TEKT1: variants seen among roughly 807,000 people sequenced by gnomAD.
TEKT1 encodes the protein tektin-1.
In TEKT1, 32 loss-of-function variants were observed where a neutral mutation model predicts 34.8. That is an observed-to-expected ratio of 0.92 (90% CI 0.69 to 1.23). The LOEUF is 1.23. Ranked by LOEUF, TEKT1 falls within the 50% of genes most tolerant of loss-of-function variation. The pLI, the probability that TEKT1 is intolerant of heterozygous loss-of-function variation, is 0.00. For synonymous variants in TEKT1, 207 were observed against 199.8 expected (o/e 1.04, Z -0.30); for missense variants, 492 against 518.5 (o/e 0.95, Z 0.50).
In TEKT1 at chr17:6,830,282, G is replaced by C; in HGVS notation, c.95C>G (p.Ser32Cys). Reference sequence around the variant, plus strand: ...TTCTGCGACCAGGCGTTCTGATCGGGACCTTTGAGCGTCTGCTCTGTGGTA... The same window carrying C: ...TTCTGCGACCAGGCGTTCTGATCGGCACCTTTGAGCGTCTGCTCTGTGGTA... ...NQYHRADAQRSRSERLVAESQ... is the reference protein window; with the variant it reads ...NQYHRADAQRCRSERLVAESQ... Residue 32 changes from serine to cysteine, a missense_variant, in exon 2 of 8, where the codon TCC becomes TGC. Physicochemically the swap from Ser to Cys is moderately radical, Grantham distance 112. Coordinates refer to ENST00000338694, the MANE Select transcript of TEKT1 (RefSeq NM_053285.2). 6.2e-7 allele frequency: 1 copy of C among 1,613,528 alleles called. No individual in the cohort carries two copies. The highest frequency in any genetic ancestry group is 8.5e-7 in the Non-Finnish European group (1 of 1,179,938).
chr17:6,810,449 A>G (rs896717272), intron 6 of TEKT1, among the ~76,000 whole-genome samples: 1 of 152,210 alleles, frequency 6.6e-6, no homozygotes, highest in African/African-American at 2.4e-5. Context: ...GGATTTTTAA[A>G]TTTTAAATGG....
In TEKT1 at chr17:6,811,307, TGTG is replaced by T. The variant is rs908033541; in HGVS notation, c.852+1521_852+1523del. ...TTATATGTTAATCATATATGCAAAA[TGTG>T]TGTGTGTGTGTGTGTGTGTGTGTGA... On this transcript the variant is annotated intron_variant, in intron 6 of 7. Transcript: ENST00000338694. This position sits in a 1 kb window ranked among gnomAD's most constrained non-coding sequence, Gnocchi z 4.4. 7.3e-5 allele frequency among the ~76,000 whole-genome samples: 2 copies of T among 27,358 alleles called. No homozygotes were observed. Among genetic ancestry groups the T allele is most frequent in the African/African-American group, 7.1e-4 (2 of 2,816 alleles). The allele number at this position is 27,358 out of a possible 152,430, so 17.9% of individuals were successfully genotyped here.
chr17:6,823,998 A>G (rs1399032340), intron 2 of TEKT1, among the ~76,000 whole-genome samples: 1 of 151,498 alleles, frequency 6.6e-6, no homozygotes, highest in African/African-American at 2.4e-5. Context: ...AATTTTTTGT[A>G]TTTTTAGTAG....
At position 6,819,186 on chromosome 17, in the gene TEKT1, C is replaced by T; in HGVS notation, c.356+7G>A. 1 of 1,610,756 alleles carries T rather than the reference C, an allele frequency of 6.2e-7. No individual in the cohort carries two copies. The highest frequency in any genetic ancestry group is 8.5e-7 in the Non-Finnish European group (1 of 1,178,814). The stretch of plus-strand genomic sequence containing the variant: ...ACATGAATCATTTGAGGGACCTTCG[C>T]TCCTACCTGTATGCCAGGCATGTCT... On this transcript the variant is annotated splice_region_variant and intron_variant, in intron 3 of 7. Coordinates refer to ENST00000338694, the MANE Select transcript of TEKT1 (RefSeq NM_053285.2).
At chr17:6,830,483 A>G (rs1177065341) in intron 1 of TEKT1, 90 bp from the exon 2 acceptor site, 6 of 886,000 alleles carry the variant, frequency 6.8e-6, no homozygotes. Context: ...ATATACGGAA[A>G]ATTGCATAAA....
chr17:6,810,795 A>G (rs1976916416), intron 6 of TEKT1, among the ~76,000 whole-genome samples: 2 of 152,136 alleles, frequency 1.3e-5, no homozygotes, highest in African/African-American at 2.4e-5. Context: ...CTGGAGCACA[A>G]TGGCACAATC....
intron 2 of TEKT1, among the ~76,000 whole-genome samples, chr17:6,820,228 A>G (rs1463364952): frequency 6.6e-6 from 1 of 152,136 alleles, no homozygotes; most frequent in Non-Finnish European, 1.5e-5. Flanking sequence ...CATACACTGT[A>G]ATAAATTTCT....
In TEKT1 at chr17:6,800,006, G is replaced by T. The variant is rs747824617; in HGVS notation, c.*21C>A. The T allele has an allele frequency of 6.3e-7, 1 of 1,594,322 alleles. No individual in the cohort carries two copies. The highest frequency in any genetic ancestry group is 2.2e-5 in the East Asian group (1 of 44,798). On this transcript the variant is annotated 3_prime_UTR_variant, in exon 8 of 8. Transcript: ENST00000338694. ...TACTGTTTACAATGTGGTTTAATGAGAATTGGAACTAGCCCTACTATTAGC... is the reference window on the plus strand; with the variant it reads ...TACTGTTTACAATGTGGTTTAATGATAATTGGAACTAGCCCTACTATTAGC...
intron 2 of TEKT1, among the ~76,000 whole-genome samples, chr17:6,824,245 A>G (rs1163881933): frequency 1.3e-5 from 2 of 152,052 alleles, no homozygotes; most frequent in Non-Finnish European, 2.9e-5. Flanking sequence ...CTCTTTTGAT[A>G]CATTCTTTGG....
rs149982096 is a variant in TEKT1 at position 6,810,206 on chromosome 17, C to T, written c.852+2625G>A. Among the ~76,000 whole-genome samples the T allele has an allele frequency of 5.5e-4, 83 of 152,280 alleles. 1 individual carries two copies. Among genetic ancestry groups the T allele is most frequent in the Middle Eastern group, 3.4e-3 (1 of 294 alleles). ...GCCGAGGTGTTGTTGTTTTAATTTG[C>T]AATTCCCTAATGACATAGGATGTTG... On this transcript the variant is annotated intron_variant, in intron 6 of 7. Transcript: ENST00000338694.
chr17:6,806,563 C>T (rs1344040932), intron 6 of TEKT1, among the ~76,000 whole-genome samples: 5 of 152,300 alleles, frequency 3.3e-5, no homozygotes, highest in African/African-American at 9.6e-5. Flanking sequence ...TTCCTAGCGT[C>T]GATGGTCTTT....
At chr17:6,815,766 C>T (rs547252823) in intron 4 of TEKT1, 68 bp downstream of exon 4, 41 of 1,597,266 alleles carry the variant, frequency 2.6e-5, no homozygotes, top group Non-Finnish European at 4.3e-6. Context: ...TGGAGCCCAG[C>T]TTTTGTGGAC....
intron 2 of TEKT1, among the ~76,000 whole-genome samples, chr17:6,829,768 G>GT (rs149597855): frequency 0.085 from 12,733 of 150,484 alleles, 755 homozygotes; most frequent in African/African-American, 0.17. Context: ...ATCTTTTATT[G>GT]TTTTTTTTTC....
rs146227057 is a variant in TEKT1 at position 6,798,455 on chromosome 17, C to A, written c.*1572G>T. On this transcript the variant is annotated 3_prime_UTR_variant, in exon 8 of 8. Transcript: ENST00000338694. The stretch of plus-strand genomic sequence containing the variant: ...AGGTCTGCCCAGTGAGCTGGGAAGG[C>A]TTATTTGGACTCTTCCGAGCCAGAG... 2.4e-4 allele frequency: 36 copies of A among 152,362 alleles called. No individual in the cohort carries two copies. The highest frequency in any genetic ancestry group is 5.8e-4 in the African/African-American group (24 of 41,566). 9.4% of individuals were successfully genotyped at this position (152,362 alleles called of 1,614,324 possible). A position where few individuals can be genotyped will look rare whatever the true frequency, so the allele number is the denominator to read the frequency against.
chr17:6,817,379 A>C (rs1416881255), intron 3 of TEKT1, among the ~76,000 whole-genome samples: 1 of 152,156 alleles, frequency 6.6e-6, no homozygotes, highest in Non-Finnish European at 1.5e-5. Flanking sequence ...CCATCTCAAA[A>C]AAAATTTTAA....
chr17:6,813,140 A>G lies in TEKT1; in HGVS notation c.630-87T>C, dbSNP rs555798617. The G allele has an allele frequency of 6.5e-6, 7 of 1,077,574 alleles. No individual in the cohort carries two copies. The East Asian group carries it at 1.3e-4, about 19-fold the overall frequency. 66.8% of individuals were successfully genotyped at this position (1,077,574 alleles called of 1,614,324 possible). A position where few individuals can be genotyped will look rare whatever the true frequency, so the allele number is the denominator to read the frequency against. On this transcript the variant is annotated intron_variant, in intron 5 of 7. Transcript: ENST00000338694. The stretch of plus-strand genomic sequence containing the variant: ...GAGGGACGAGCTACACCTTCCCCTC[A>G]TAAGAACCACCTAGAATGTTACCCT...
chr17:6,805,431 AT>A (rs937301578), intron 6 of TEKT1, among the ~76,000 whole-genome samples: 95 of 151,668 alleles, frequency 6.3e-4, no homozygotes, highest in Admixed American at 2.4e-3. Context: ...GGATTCATTG[AT>A]TTTTTTTGAA....
chr17:6,803,029 G>A (rs1388551816), intron 6 of TEKT1, among the ~76,000 whole-genome samples: 3 of 151,856 alleles, frequency 2.0e-5, no homozygotes, highest in African/African-American at 7.3e-5. Context: ...CTGAGGAATC[G>A]CCACACTGAC....
At chr17:6,807,765 G>A (rs1263824932) in intron 6 of TEKT1, among the ~76,000 whole-genome samples, 7 of 152,154 alleles carry the variant, frequency 4.6e-5, no homozygotes, top group African/African-American at 7.2e-5. Context: ...TATCAGCTGC[G>A]GAGGCTGCAG....
Sources: allele counts gnomAD v4.1 joint callset (sites outside exome capture counted in the v4.1 genomes callset), GRCh38; gene constraint gnomAD v4.1.1; non-coding constraint Gnocchi (gnomAD v3.1); transcripts MANE v1.5; gene names NCBI Gene and HGNC (gene_info 2026-07-23, HGNC 2026-07-21).